The following SLC38A1 variants were observed in gnomAD, a reference collection of about 807,000 sequenced individuals.
The protein encoded by SLC38A1 is sodium-coupled neutral amino acid symporter 1.
SLC38A1 carries 18 observed loss-of-function variants against 60.3 expected under a neutral mutation model. That is an observed-to-expected ratio of 0.30 (90% CI 0.21 to 0.44). SLC38A1 has a LOEUF of 0.44. Ranked by LOEUF, SLC38A1 falls within the 20% of genes least tolerant of loss-of-function variation. SLC38A1 has a pLI of 1.00. For synonymous variants in SLC38A1, 196 were observed against 212.1 expected (o/e 0.92, Z 0.66); for missense variants, 448 against 587.2 (o/e 0.76, Z 2.45).
chr12:46,238,468 A>G (rs1421530733), intron 3 of SLC38A1, among the ~76,000 whole-genome samples: 3 of 152,232 alleles, frequency 2.0e-5, no homozygotes, highest in Non-Finnish European at 2.9e-5. Flanking sequence ...GTTAGTTGAC[A>G]TAATGTTCTT....
chr12:46,242,409 G>A (rs1276118178), intron 2 of SLC38A1, among the ~76,000 whole-genome samples: 3 of 152,130 alleles, frequency 2.0e-5, no homozygotes, highest in African/African-American at 7.2e-5. Context: ...TAAATGCAGG[G>A]ATCTCAGGCA....
intron 3 of SLC38A1, among the ~76,000 whole-genome samples, chr12:46,229,844 T>G (rs1941004415): frequency 6.6e-6 from 1 of 152,218 alleles, no homozygotes; most frequent in South Asian, 2.1e-4. Flanking sequence ...TTTTACCAAA[T>G]AAACTATAAG....
intron 16 of SLC38A1, 110 bp from the exon 17 acceptor site, chr12:46,189,181 T>C (rs1939039559): frequency 1.4e-6 from 1 of 719,528 alleles, no homozygotes. Flanking sequence ...TCCTCTGGTA[T>C]TCAGAGTTTG....
intron 6 of SLC38A1, 122 bp from the exon 7 acceptor site, chr12:46,207,743 C>G: frequency 1.1e-6 from 1 of 919,406 alleles, no homozygotes; most frequent in South Asian, 1.5e-5. Context: ...CAAACTCACA[C>G]AAATAGTCAT....
intron 14 of SLC38A1, 68 bp from the exon 15 acceptor site, chr12:46,198,128 A>C: frequency 6.7e-7 from 1 of 1,502,582 alleles, no homozygotes; most frequent in Middle Eastern, 1.8e-4. Context: ...TTCTCTGCAG[A>C]GTAACTGATT....
At chr12:46,204,470 A>G in intron 10 of SLC38A1, 53 bp from the exon 11 acceptor site, 1 of 1,592,924 alleles carries the variant, frequency 6.3e-7, no homozygotes, top group Non-Finnish European at 8.6e-7. Context: ...AAGCCAATGA[A>G]TAATTATTAC....
chr12:46,253,999 A>T (rs1358454782), intron 1 of SLC38A1, among the ~76,000 whole-genome samples: 7 of 152,372 alleles, frequency 4.6e-5, no homozygotes, highest in African/African-American at 1.7e-4. Flanking sequence ...GTTCAATTTA[A>T]GAAAACATTG....
At position 46,247,218 on chromosome 12, in the gene SLC38A1, G is replaced by A. The variant is rs186486639; in HGVS notation, c.-208-3904C>T. 5.3e-3 allele frequency among the ~76,000 whole-genome samples: 808 copies of A among 152,162 alleles called. 9 individuals are homozygous for A. The highest frequency in any genetic ancestry group is 0.019 in the African/African-American group (773 of 41,524). On this transcript the variant is annotated intron_variant, in intron 1 of 16. Transcript: ENST00000398637. Reference sequence around the variant, plus strand: ...TGGCCAAAGTAGGCTTCAGAAGGTCGGTAATAACAAACTTCTCCAAGCTAA... The same window carrying A: ...TGGCCAAAGTAGGCTTCAGAAGGTCAGTAATAACAAACTTCTCCAAGCTAA...
intron 1 of SLC38A1, among the ~76,000 whole-genome samples, chr12:46,260,505 G>C (rs1942164568): frequency 6.6e-6 from 1 of 152,204 alleles, no homozygotes; most frequent in Non-Finnish European, 1.5e-5. Flanking sequence ...GCATGAAAGA[G>C]AGGTTATCTC....
intron 5 of SLC38A1, among the ~76,000 whole-genome samples, chr12:46,210,505 T>C (rs1419829624): frequency 6.6e-6 from 1 of 152,210 alleles, no homozygotes; most frequent in Admixed American, 6.5e-5. Context: ...TCTATACTTA[T>C]TTCCCTAAAA....
chr12:46,264,906 C>A (rs1942306292), intron 1 of SLC38A1, among the ~76,000 whole-genome samples: 1 of 152,174 alleles, frequency 6.6e-6, no homozygotes, highest in Non-Finnish European at 1.5e-5. Context: ...TCCTCACCAC[C>A]TTTCATAGAT....
intron 16 of SLC38A1, chr12:46,196,253 TG>T (rs1163926609): frequency 1.3e-6 from 2 of 1,535,982 alleles, no homozygotes; most frequent in Non-Finnish European, 1.7e-6. Context: ...AGGGCTGGAC[TG>T]GAAACTGGAG....
chr12:46,239,506 G>T lies in SLC38A1; in HGVS notation c.122+173C>A. The T allele has an allele frequency of 7.1e-6, 4 of 561,562 alleles. 1 individual carries two copies. The highest frequency in any genetic ancestry group is 5.9e-5 in the South Asian group (3 of 50,894). 34.8% of individuals were successfully genotyped at this position (561,562 alleles called of 1,614,324 possible). On this transcript the variant is annotated intron_variant, in intron 3 of 16. Transcript: ENST00000398637. Reference sequence around the variant, plus strand: ...GCCTGGCTAATTTTTTGTATTTTTAGTAGAGACGGGGTTTCACCATGTTGG... The same window carrying T: ...GCCTGGCTAATTTTTTGTATTTTTATTAGAGACGGGGTTTCACCATGTTGG...
rs1209135894 is a variant in SLC38A1, at chr12:46,204,609, A to T, written c.647-19T>A. 1 of 1,568,224 alleles carries T rather than the reference A, an allele frequency of 6.4e-7. No individual in the cohort carries two copies. The highest frequency in any genetic ancestry group is 8.6e-7 in the Non-Finnish European group (1 of 1,158,532). ...AGATACCCTTTAAAAAAAAGTAAAA[A>T]ATAAATTATTTCATTTTTTTCCATT... On this transcript the variant is annotated intron_variant, in intron 9 of 16. Coordinates refer to ENST00000398637, the MANE Select transcript of SLC38A1 (RefSeq NM_030674.4).
At chr12:46,200,190 A>G (rs1430991201) in intron 13 of SLC38A1, among the ~76,000 whole-genome samples, 1 of 152,222 alleles carries the variant, frequency 6.6e-6, no homozygotes, top group Non-Finnish European at 1.5e-5. Flanking sequence ...TTATGAATTC[A>G]TTAGACAATG....
At chr12:46,213,361 T>C (rs113024417) in intron 5 of SLC38A1, among the ~76,000 whole-genome samples, 25 of 152,360 alleles carry the variant, frequency 1.6e-4, no homozygotes, top group African/African-American at 6.0e-4. Flanking sequence ...GCCAGTCCTA[T>C]ATTTATTTAC....
intron 1 of SLC38A1, chr12:46,267,287 G>C (rs1240247851): frequency 6.6e-6 from 1 of 152,248 alleles, no homozygotes; most frequent in East Asian, 1.9e-4. Context: ...ATTCGTCCGA[G>C]AAAGTACGTG....
At chr12:46,230,704 A>C (rs1320162451) in intron 3 of SLC38A1, among the ~76,000 whole-genome samples, 1 of 152,344 alleles carries the variant, frequency 6.6e-6, no homozygotes, top group African/African-American at 2.4e-5. Context: ...AGAATCATCA[A>C]ATATATTCAG....
At chr12:46,264,486 C>T (rs1942293317) in intron 1 of SLC38A1, among the ~76,000 whole-genome samples, 1 of 152,062 alleles carries the variant, frequency 6.6e-6, no homozygotes, top group Admixed American at 6.6e-5. Flanking sequence ...AAGGTTATCA[C>T]TAGAAAACAA....
Sources: allele counts gnomAD v4.1 joint callset (sites outside exome capture counted in the v4.1 genomes callset), GRCh38; gene constraint gnomAD v4.1.1; transcripts MANE v1.5; gene names NCBI Gene and HGNC (gene_info 2026-07-23, HGNC 2026-07-21).